The following GLRA1 variants were observed in gnomAD, a reference collection of about 807,000 sequenced individuals.
GLRA1 encodes glycine receptor alpha 1.
A neutral mutation model predicts 48.3 loss-of-function variants in GLRA1; 37 were observed. The observed-to-expected ratio is 0.77, with a 90% CI of 0.59 to 1.01. GLRA1 has a LOEUF of 1.01. GLRA1 is among the 50% of genes least tolerant of loss of function. The pLI is 0.00. For synonymous variants in GLRA1, 196 were observed against 210.7 expected (o/e 0.93, Z 0.60); for missense variants, 427 against 571.0 (o/e 0.75, Z 2.57).
At chr5:151,868,768 C>T (rs1157229794) in intron 3 of GLRA1, among the ~76,000 whole-genome samples, 2 of 152,188 alleles carry the variant, frequency 1.3e-5, no homozygotes, top group East Asian at 1.9e-4. Flanking sequence ...TGCTTTATTT[C>T]TGCCTCGAGC....
intron 3 of GLRA1, among the ~76,000 whole-genome samples, chr5:151,885,007 C>G (rs1753860955): frequency 6.6e-6 from 1 of 152,184 alleles, no homozygotes; most frequent in African/African-American, 2.4e-5. Context: ...TCCTAGCTAA[C>G]AAGTGGGACC....
intron 5 of GLRA1, among the ~76,000 whole-genome samples, chr5:151,855,480 G>C (rs972419969): frequency 6.6e-6 from 1 of 152,004 alleles, no homozygotes; most frequent in African/African-American, 2.4e-5. Flanking sequence ...ATCCTTGCCA[G>C]CCTCCTCTTT....
At chr5:151,904,739 CTTG>C (rs1350755969) in intron 1 of GLRA1, among the ~76,000 whole-genome samples, 2 of 152,126 alleles carry the variant, frequency 1.3e-5, no homozygotes, top group Admixed American at 1.3e-4. Flanking sequence ...TGGTCGTAAG[CTTG>C]TTGTAAGGAA....
In GLRA1 at chr5:151,886,357, C is replaced by T. The variant is rs1028830202; in HGVS notation, c.252+364G>A. The stretch of plus-strand genomic sequence containing the variant: ...AAATATACAATTAACCCAATATACC[C>T]ATTTCAGCTTGTATAACCAGCAGTC... On this transcript the variant is annotated intron_variant, in intron 3 of 8. Transcript: ENST00000274576. Among the ~76,000 whole-genome samples, 6 of 152,162 alleles carry T rather than the reference C, an allele frequency of 3.9e-5. No individual in the cohort carries two copies. In the East Asian group the frequency reaches 1.2e-3, roughly 29 times the overall value.
At chr5:151,862,425 G>T (rs1251623575) in intron 3 of GLRA1, among the ~76,000 whole-genome samples, 2 of 152,124 alleles carry the variant, frequency 1.3e-5, no homozygotes, top group Non-Finnish European at 2.9e-5. Context: ...TTGACAAATG[G>T]GATCTAATTA....
intron 3 of GLRA1, among the ~76,000 whole-genome samples, chr5:151,874,592 C>T (rs911850201): frequency 6.6e-6 from 1 of 152,120 alleles, no homozygotes; most frequent in African/African-American, 2.4e-5. Context: ...GTCCCCACTC[C>T]AGCTGAAAAA....
chr5:151,864,980 A>G (rs1182226372), intron 3 of GLRA1, among the ~76,000 whole-genome samples: 6 of 152,162 alleles, frequency 3.9e-5, no homozygotes, highest in Non-Finnish European at 5.9e-5. Context: ...TCACACAACA[A>G]TTCAGTAAAG....
chr5:151,845,114 C>T (rs1354230649), intron 7 of GLRA1, among the ~76,000 whole-genome samples: 1 of 152,098 alleles, frequency 6.6e-6, no homozygotes, highest in Non-Finnish European at 1.5e-5. Context: ...TGTGGCCAGG[C>T]TCTTTTTAAA....
chr5:151,849,396 C>CTTTCA (rs1561554973), intron 7 of GLRA1, among the ~76,000 whole-genome samples: 22 of 5,884 alleles, frequency 3.7e-3, no homozygotes, highest in African/African-American at 0.02. Flanking sequence ...CTTTCCTTTC[C>CTTTCA]TTTCCTTTCC....
At chr5:151,860,355 T>C (rs905101498) in intron 3 of GLRA1, among the ~76,000 whole-genome samples, 1 of 152,226 alleles carries the variant, frequency 6.6e-6, no homozygotes, top group African/African-American at 2.4e-5. Flanking sequence ...TCATGTTTGC[T>C]TCATTTTTTT....
intron 7 of GLRA1, among the ~76,000 whole-genome samples, chr5:151,838,358 A>G (rs1763626863): frequency 6.6e-6 from 1 of 152,096 alleles, no homozygotes; most frequent in African/African-American, 2.4e-5. Context: ...AATCCCAGCT[A>G]CTCGGGAGGC....
intron 8 of GLRA1, among the ~76,000 whole-genome samples, chr5:151,823,994 G>A (rs1419461119): frequency 1.3e-5 from 2 of 151,430 alleles, no homozygotes; most frequent in Admixed American, 6.6e-5. Flanking sequence ...TTGGCATTGG[G>A]AAGTTTTATC....
At chr5:151,922,446 A>G (rs1754899004) in intron 1 of GLRA1, among the ~76,000 whole-genome samples, 1 of 152,042 alleles carries the variant, frequency 6.6e-6, no homozygotes, top group Non-Finnish European at 1.5e-5. Flanking sequence ...TATTGTCTGT[A>G]TTGTGTTTCA....
intron 7 of GLRA1, among the ~76,000 whole-genome samples, chr5:151,831,062 C>T (rs1335828507): frequency 6.6e-6 from 1 of 152,200 alleles, no homozygotes; most frequent in Non-Finnish European, 1.5e-5. Context: ...ATCTCCCTCC[C>T]CTGGCCAAGG....
At chr5:151,884,505 G>T (rs924197186) in intron 3 of GLRA1, among the ~76,000 whole-genome samples, 14 of 152,028 alleles carry the variant, frequency 9.2e-5, no homozygotes, top group Non-Finnish European at 1.8e-4. Flanking sequence ...ATATCAGTAT[G>T]TTAATTACCA....
chr5:151,875,207 G>T (rs917459664), intron 3 of GLRA1, among the ~76,000 whole-genome samples: 4 of 151,886 alleles, frequency 2.6e-5, no homozygotes, highest in Non-Finnish European at 5.9e-5. Flanking sequence ...GTCTTGCTTT[G>T]TTGCCCAGGT....
chr5:151,894,874 T>G (rs1754191928), intron 1 of GLRA1, among the ~76,000 whole-genome samples: 2 of 152,244 alleles, frequency 1.3e-5, no homozygotes, highest in African/African-American at 4.8e-5. Flanking sequence ...GGTATTGCTT[T>G]GAAGATTCGG....
chr5:151,898,912 GATATGGA>G, intron 1 of GLRA1, among the ~76,000 whole-genome samples: 1 of 152,210 alleles, frequency 6.6e-6, no homozygotes, highest in Non-Finnish European at 1.5e-5. Flanking sequence ...TTGAAGGTTA[GATATGGA>G]GTTGGCCTGG....
intron 2 of GLRA1, among the ~76,000 whole-genome samples, chr5:151,891,809 C>T (rs955110414): frequency 1.3e-5 from 2 of 152,136 alleles, no homozygotes; most frequent in Non-Finnish European, 2.9e-5. Flanking sequence ...TGGGGAGGAG[C>T]AGGGTGGGCT....
Sources: allele counts gnomAD v4.1 joint callset (sites outside exome capture counted in the v4.1 genomes callset), GRCh38; gene constraint gnomAD v4.1.1; transcripts MANE v1.5; gene names NCBI Gene and HGNC (gene_info 2026-07-23, HGNC 2026-07-21).